E2F7: variants seen among roughly 807,000 people sequenced by gnomAD.
The protein encoded by E2F7 is E2F transcription factor 7, also known as transcription factor E2F7.
E2F7 carries 35 observed loss-of-function variants against 81.1 expected under a neutral mutation model. The ratio of observed to expected loss-of-function variants is 0.43; its 90% confidence interval spans 0.33 to 0.57. The LOEUF (loss-of-function observed/expected upper bound fraction) is 0.57. Among genes scored for constraint, E2F7 ranks in the 20% least tolerant of loss-of-function variants. The pLI is 0.04. For missense variants in E2F7, 961 were observed against 1,093.7 expected (o/e 0.88, Z 1.71); for synonymous variants, 416 against 416.2 (o/e 1.00, Z 0.01).
chr12:77,033,727 G>T, intron 8 of E2F7, 130 bp downstream of exon 8: 1 of 861,972 alleles, frequency 1.2e-6, no homozygotes. Flanking sequence ...GTAAAAAGTA[G>T]ACCACTGGAA....
chr12:77,065,066 G>T (rs1363109374), intron 1 of E2F7, among the ~76,000 whole-genome samples: 2 of 152,178 alleles, frequency 1.3e-5, no homozygotes, highest in Non-Finnish European at 2.9e-5. Flanking sequence ...AACCCACTCA[G>T]CGCTGAGCGC....
intron 1 of E2F7, among the ~76,000 whole-genome samples, chr12:77,065,067 C>A (rs1955107661): frequency 6.6e-6 from 1 of 152,178 alleles, no homozygotes. Flanking sequence ...ACCCACTCAG[C>A]GCTGAGCGCA....
At chr12:77,028,292 A>C (rs1954776087) in intron 10 of E2F7, among the ~76,000 whole-genome samples, 154 bp from the exon 11 acceptor site, 1 of 151,932 alleles carries the variant, frequency 6.6e-6, no homozygotes, top group Non-Finnish European at 1.5e-5. Flanking sequence ...TCCAAGGTTC[A>C]AGTGATTCTC....
At chr12:77,055,807 A>G (rs1262603061) in intron 3 of E2F7, 48 bp downstream of exon 3, 2 of 1,523,376 alleles carry the variant, frequency 1.3e-6, no homozygotes, top group African/African-American at 2.8e-5. Flanking sequence ...ATAATCAAGT[A>G]AAATTGTTTA....
intron 10 of E2F7, among the ~76,000 whole-genome samples, chr12:77,029,474 A>G (rs1331539520): frequency 6.6e-6 from 1 of 152,206 alleles, no homozygotes; most frequent in African/African-American, 2.4e-5. Context: ...TGCATCCTGG[A>G]TTAAGATGTT....
chr12:77,044,614 T>A (rs569203139), intron 6 of E2F7, 23 bp downstream of exon 6: 1 of 1,611,466 alleles, frequency 6.2e-7, no homozygotes, highest in Non-Finnish European at 8.5e-7. Flanking sequence ...TGCTAGTAAG[T>A]TGATGGAGGT....
intron 7 of E2F7, among the ~76,000 whole-genome samples, chr12:77,035,715 C>T (rs1261900145): frequency 1.3e-5 from 2 of 151,996 alleles, no homozygotes; most frequent in Admixed American, 6.6e-5. Context: ...AAATATTACC[C>T]ACAATGAGGA....
At chr12:77,045,892 G>A in intron 5 of E2F7, 146 bp downstream of exon 5, 1 of 1,063,348 alleles carries the variant, frequency 9.4e-7, no homozygotes, top group Non-Finnish European at 1.3e-6. Flanking sequence ...GGAGCCATCT[G>A]CTTCTCTTTC....
intron 2 of E2F7, among the ~76,000 whole-genome samples, chr12:77,064,339 T>C (rs1006677577): frequency 1.3e-5 from 2 of 152,238 alleles, no homozygotes; most frequent in Non-Finnish European, 2.9e-5. Context: ...TAACCTTGCC[T>C]ATTTTTCCCA....
Position 77,025,783 on chromosome 12 carries a change from AG to A in E2F7, c.2339del (p.Pro780LeufsTer2). 1.2e-6 allele frequency: 2 copies of A among 1,614,130 alleles called. No individual in the cohort carries two copies. The highest frequency in any genetic ancestry group is 1.7e-6 in the Non-Finnish European group (2 of 1,180,032). On this transcript the variant is annotated frameshift_variant, in exon 12 of 13. Coordinates refer to ENST00000322886, the MANE Select transcript of E2F7 (RefSeq NM_203394.3). LOFTEE classifies it high-confidence loss of function. ...CAAGGCCAGGCAAGCTGAAATTCAC[AG>A]GTCCTGTGTTTGGGAGAGCACCAAG... ...STLGALPNTG[P>X]VNFSLPGLGS...
chr12:77,061,517 C>G (rs916693805), intron 2 of E2F7, among the ~76,000 whole-genome samples: 2 of 152,190 alleles, frequency 1.3e-5, no homozygotes, highest in Non-Finnish European at 2.9e-5. Context: ...GCCTCTTTGG[C>G]CCAGACTGTT....
rs3829295 is a variant in E2F7, at chr12:77,029,839, T to C, written c.1876A>G (p.Met626Val). The change falls in exon 10 of 13, where the codon ATG (methionine) becomes GTG (valine). Residue 626 changes from methionine to valine, a missense_variant. Coordinates refer to ENST00000322886, the MANE Select transcript of E2F7 (RefSeq NM_203394.3). The stretch of plus-strand genomic sequence containing the variant: ...CACCTGCACTCCCTTACCTTGGGCA[T>C]GACAAGCGACAGCGGGCCGTCTTCA... ...EYEDGPLSLV[M>V]PKKPSDSTDL... 1.1e-3 allele frequency: 1,836 copies of C among 1,614,090 alleles called. 24 individuals are homozygous for C. In the East Asian group the frequency reaches 0.028, roughly 24 times the overall value.
chr12:77,046,100 T>C lies in E2F7; in HGVS notation c.767A>G (p.Asp256Gly), dbSNP rs1231072240. The change falls in exon 5 of 13, where the codon GAT becomes GGT. Residue 256 changes from aspartate to glycine, a missense_variant. Physicochemically the swap from Asp to Gly is moderately conservative, Grantham distance 94. Around this residue, in one of 3 missense-constraint regions of E2F7, gnomAD observed 301 missense variants for 405.0 expected, o/e 0.74. Transcript: ENST00000322886. ...IDYKFGERKK[D>G]GDPDSQEQQL... ...TTGTTCCTGGGAATCTGGATCACCATCTTTTTTACGTTCTCCAAATTTATA... is the reference window on the plus strand; with the variant it reads ...TTGTTCCTGGGAATCTGGATCACCACCTTTTTTACGTTCTCCAAATTTATA... 1.1e-5 allele frequency: 18 copies of C among 1,614,084 alleles called. No homozygotes were observed. The highest frequency in any genetic ancestry group is 1.5e-5 in the Non-Finnish European group (18 of 1,180,054).
At chr12:77,041,511 A>G (rs1009573170) in intron 7 of E2F7, among the ~76,000 whole-genome samples, 3 of 152,076 alleles carry the variant, frequency 2.0e-5, no homozygotes, top group Non-Finnish European at 4.4e-5. Context: ...ATTTTCTTCA[A>G]TGGTACGACC....
chr12:77,056,205 A>G, intron 2 of E2F7, 75 bp from the exon 3 acceptor site: 1 of 1,408,790 alleles, frequency 7.1e-7, no homozygotes, highest in Non-Finnish European at 9.5e-7. Flanking sequence ...TGTTCCCACC[A>G]TTCACTAAGA....
In E2F7 at chr12:77,040,673, TTGTC is replaced by T. The variant is rs112992763; in HGVS notation, c.1123+2388_1123+2391del. ...AGAATGACAGAAAGCAGGTCAGTGG[TTGTC>T]TGGGGATGGGAGTGGGGACCAGGAG... On this transcript the variant is annotated intron_variant, in intron 7 of 12. Transcript: ENST00000322886. Among the ~76,000 whole-genome samples, 335 of 152,140 alleles carry T rather than the reference TTGTC, an allele frequency of 2.2e-3. 1 individual carries two copies. The highest frequency in any genetic ancestry group is 7.4e-3 in the African/African-American group (305 of 41,484).
chr12:77,054,806 G>T (rs956593923), intron 3 of E2F7, among the ~76,000 whole-genome samples: 4 of 152,048 alleles, frequency 2.6e-5, no homozygotes, highest in African/African-American at 9.7e-5. Context: ...ACATGCCTTT[G>T]ACAACAAAAG....
At chr12:77,047,918 A>AT (rs1954956520) in intron 4 of E2F7, among the ~76,000 whole-genome samples, 1 of 152,150 alleles carries the variant, frequency 6.6e-6, no homozygotes, top group Non-Finnish European at 1.5e-5. Flanking sequence ...AAACCTTCCC[A>AT]TTAGAAATAT....
At chr12:77,039,024 A>G (rs1377073189) in intron 7 of E2F7, among the ~76,000 whole-genome samples, 1 of 152,242 alleles carries the variant, frequency 6.6e-6, no homozygotes, top group Non-Finnish European at 1.5e-5. Context: ...ATAGACAAAC[A>G]GATCAATGCA....
Sources: gnomAD v4.1 joint callset for allele counts (sites outside exome capture counted in the v4.1 genomes callset) on GRCh38, gnomAD v4.1.1 for gene constraint, gnomAD v4.1.1 regional missense constraint, MANE v1.5 for transcripts, NCBI Gene and HGNC (gene_info 2026-07-23, HGNC 2026-07-21) for gene names.